Variants in CREB1 observed in about 807,000 individuals in gnomAD.
The protein encoded by CREB1 is cyclic AMP-responsive element-binding protein 1.
A neutral mutation model predicts 42.0 loss-of-function variants in CREB1; 2 were observed. The ratio of observed to expected loss-of-function variants is 0.05; its 90% CI spans 0.02 to 0.15. The LOEUF is 0.15. CREB1 is among the 10% of genes least tolerant of loss of function. The probability of loss-of-function intolerance (pLI) is 1.00; values close to 1 mark genes in which losing one functional copy is unlikely to be tolerated. For synonymous variants in CREB1, 123 were observed against 139.9 expected (o/e 0.88, Z 0.85); for missense variants, 199 against 388.9 (o/e 0.51, Z 4.11).
chr2:207,552,617 T>C (rs2081553794), intron 1 of CREB1, among the ~76,000 whole-genome samples: 1 of 151,592 alleles, frequency 6.6e-6, no homozygotes, highest in Non-Finnish European at 1.5e-5. Context: ...TTTTTTTTTT[T>C]TTTTTGGTAA....
At chr2:207,530,698 G>A (rs1177179110) in intron 1 of CREB1, among the ~76,000 whole-genome samples, 1 of 151,654 alleles carries the variant, frequency 6.6e-6, no homozygotes, top group African/African-American at 2.4e-5. Flanking sequence ...GGGCAGAGGA[G>A]GTGAAGGTGC....
intron 1 of CREB1, among the ~76,000 whole-genome samples, chr2:207,539,166 A>C (rs1419786669): frequency 6.7e-6 from 1 of 149,658 alleles, no homozygotes; most frequent in Non-Finnish European, 1.5e-5. Context: ...CCAGCCTCCC[A>C]AGTAGCTGGG....
At chr2:207,539,513 G>T (rs955844505) in intron 1 of CREB1, among the ~76,000 whole-genome samples, 7 of 152,050 alleles carry the variant, frequency 4.6e-5, no homozygotes, top group African/African-American at 1.7e-4. Flanking sequence ...TGAAATAATC[G>T]CAAGAAAATT....
chr2:207,562,702 G>A (rs1175048206), intron 3 of CREB1, among the ~76,000 whole-genome samples: 1 of 152,266 alleles, frequency 6.6e-6, no homozygotes, highest in South Asian at 2.1e-4. Context: ...AGTTAATGGT[G>A]ATTAGTGTTA....
At chr2:207,565,481 A>G (rs1253121021) in intron 3 of CREB1, among the ~76,000 whole-genome samples, 1 of 151,790 alleles carries the variant, frequency 6.6e-6, no homozygotes, top group Non-Finnish European at 1.5e-5. Flanking sequence ...GGTCAGAGAA[A>G]GGCAACCTTT....
chr2:207,577,334 T>C, intron 6 of CREB1, 171 bp from the exon 7 acceptor site: 2 of 1,049,770 alleles, frequency 1.9e-6, no homozygotes, highest in Non-Finnish European at 2.7e-6. Flanking sequence ...GGGAATTATT[T>C]CTTAGTAGTG....
At chr2:207,557,135 C>T (rs1202443475) in intron 2 of CREB1, among the ~76,000 whole-genome samples, 1 of 150,754 alleles carries the variant, frequency 6.6e-6, no homozygotes, top group Non-Finnish European at 1.5e-5. Context: ...AAGATTCCCT[C>T]TCAAAAAAAA....
intron 1 of CREB1, among the ~76,000 whole-genome samples, chr2:207,538,283 C>A (rs2080955727): frequency 6.6e-6 from 1 of 152,010 alleles, no homozygotes; most frequent in Non-Finnish European, 1.5e-5. Flanking sequence ...AAGGCAGTTT[C>A]TCCAGTGATG....
At position 207,555,741 on chromosome 2, in the gene CREB1, T is replaced by G. The variant is rs984795660; in HGVS notation, c.106T>G (p.Leu36Val). 1 of 1,608,028 alleles carries G rather than the reference T, an allele frequency of 6.2e-7. No homozygotes were observed. Among genetic ancestry groups the G allele is most frequent in the Non-Finnish European group, 8.5e-7 (1 of 1,174,700 alleles). The change falls in exon 2 of 8, where the codon TTA (leucine) becomes GTA (valine). Residue 36 changes from leucine to valine, a missense_variant. Physicochemically the swap from Leu to Val is conservative, Grantham distance 32. Transcript: ENST00000353267. ...TVQAQPQIAT[L>V]AQVSMPAAHA... ...TCAAGCCCAGCCACAGATTGCCACA[T>G]TAGCCCAGGTATAAAATACATGGAG...
At chr2:207,572,511 G>A (rs1304989430) in intron 5 of CREB1, among the ~76,000 whole-genome samples, 2 of 152,130 alleles carry the variant, frequency 1.3e-5, no homozygotes, top group African/African-American at 2.4e-5. Flanking sequence ...GTGTTTCACT[G>A]TGTAAATACA....
intron 3 of CREB1, among the ~76,000 whole-genome samples, chr2:207,560,954 G>T (rs2081935604): frequency 6.6e-6 from 1 of 151,998 alleles, no homozygotes; most frequent in Non-Finnish European, 1.5e-5. Context: ...TGATCCACAG[G>T]TAATAAAGGC....
chr2:207,587,089 A>T (rs1388860828), intron 7 of CREB1, among the ~76,000 whole-genome samples: 1 of 152,164 alleles, frequency 6.6e-6, no homozygotes, highest in Non-Finnish European at 1.5e-5. Flanking sequence ...AACGGTGTGG[A>T]GGTTTCTCAA....
chr2:207,565,474 C>T (rs2082104489), intron 3 of CREB1, among the ~76,000 whole-genome samples: 1 of 146,074 alleles, frequency 6.8e-6, no homozygotes, highest in Admixed American at 6.9e-5. Flanking sequence ...TCTTACAGGT[C>T]AGAGAAAGGC....
intron 2 of CREB1, among the ~76,000 whole-genome samples, 158 bp from the exon 3 acceptor site, chr2:207,560,068 T>G (rs980825227): frequency 6.6e-6 from 1 of 152,238 alleles, no homozygotes; most frequent in African/African-American, 2.4e-5. Context: ...GTGTTTTTTC[T>G]TAAAGAATAT....
At chr2:207,580,921 TTACATC>T (rs746820169) in intron 7 of CREB1, 64 of 217,566 alleles carry the variant, frequency 2.9e-4, no homozygotes, top group Non-Finnish European at 4.6e-4. Flanking sequence ...TTGGTGAACG[TTACATC>T]TACTCGTGAT....
chr2:207,589,263 C>T (rs914817418), intron 7 of CREB1, among the ~76,000 whole-genome samples: 1 of 152,150 alleles, frequency 6.6e-6, no homozygotes, highest in Non-Finnish European at 1.5e-5. Flanking sequence ...AAATGTGTTT[C>T]TTTGCCATTT....
intron 1 of CREB1, among the ~76,000 whole-genome samples, chr2:207,534,982 G>C (rs949553866): frequency 2.0e-5 from 3 of 152,060 alleles, no homozygotes; most frequent in African/African-American, 7.2e-5. Context: ...AGCACATAAA[G>C]AGCTTCTTCA....
chr2:207,537,999 A>C (rs1399986846), intron 1 of CREB1, among the ~76,000 whole-genome samples: 3 of 152,208 alleles, frequency 2.0e-5, no homozygotes, highest in Non-Finnish European at 4.4e-5. Flanking sequence ...TTTCATATAC[A>C]CATTATACAC....
chr2:207,576,224 G>A (rs867073102), intron 6 of CREB1, among the ~76,000 whole-genome samples: 36 of 140,166 alleles, frequency 2.6e-4, no homozygotes, highest in Middle Eastern at 7.9e-3. Flanking sequence ...ACAAATTATA[G>A]AAGTTGCTTT....
Sources: allele counts gnomAD v4.1 joint callset (sites outside exome capture counted in the v4.1 genomes callset), GRCh38; gene constraint gnomAD v4.1.1; transcripts MANE v1.5; gene names NCBI Gene and HGNC (gene_info 2026-07-23, HGNC 2026-07-21).